The following PARP12 variants were observed in gnomAD, a reference collection of about 807,000 sequenced individuals.
PARP12 encodes protein mono-ADP-ribosyltransferase PARP12.
In PARP12, 59 loss-of-function variants were observed where a neutral mutation model predicts 72.4. The ratio of observed to expected loss-of-function variants is 0.81; its 90% CI spans 0.66 to 1.01. PARP12 has a LOEUF of 1.01. Ranked by LOEUF, PARP12 falls within the 50% of genes least tolerant of loss-of-function variation. The pLI is 0.00. For missense variants in PARP12, 851 were observed against 914.0 expected, an observed-to-expected ratio of 0.93 and a Z score of 0.89; for synonymous variants, 403 against 371.4, an observed-to-expected ratio of 1.09 and a Z score of -0.98.
At chr7:140,037,248 C>T (rs900884266) in intron 7 of PARP12, among the ~76,000 whole-genome samples, 4 of 152,170 alleles carry the variant, frequency 2.6e-5, no homozygotes, top group African/African-American at 4.8e-5. Flanking sequence ...CACTTGAACC[C>T]GGGAGGCGGA....
intron 5 of PARP12, among the ~76,000 whole-genome samples, chr7:140,042,445 AG>A (rs980755899): frequency 2.0e-5 from 3 of 152,244 alleles, no homozygotes; most frequent in African/African-American, 7.2e-5. Flanking sequence ...TAAAGACCAA[AG>A]GAAGGTACGA....
intron 11 of PARP12, chr7:140,025,502 A>G (rs765691942): frequency 2.3e-6 from 1 of 436,658 alleles, no homozygotes; most frequent in South Asian, 1.6e-5. Flanking sequence ...TCAACTTGGT[A>G]AGCATATTGT....
intron 8 of PARP12, among the ~76,000 whole-genome samples, chr7:140,030,841 T>A (rs1484382333): frequency 1.3e-5 from 2 of 152,230 alleles, no homozygotes; most frequent in African/African-American, 4.8e-5. Flanking sequence ...TAGTGTATTT[T>A]ATGTGTGGAC....
chr7:140,038,402 T>A, intron 6 of PARP12: 1 of 763,498 alleles, frequency 1.3e-6, no homozygotes, highest in Non-Finnish European at 1.6e-6. Context: ...TCAGCTGGAG[T>A]GAGTTTGAAT....
In PARP12 at chr7:140,036,334, A is replaced by G. The variant is rs956737122; in HGVS notation, c.1324+1381T>C. Among the ~76,000 whole-genome samples, 55 of 152,226 alleles carry G rather than the reference A, an allele frequency of 3.6e-4. 2 individuals are homozygous for G. ...TGCTTGCCACACAGTCCTGACCTTCAGGGCAGTCCTGATTTGATTAACGTC... is the reference window on the plus strand; with the variant it reads ...TGCTTGCCACACAGTCCTGACCTTCGGGGCAGTCCTGATTTGATTAACGTC... On this transcript the variant is annotated intron_variant, in intron 7 of 11. Transcript: ENST00000263549.
chr7:140,027,127 G>C, intron 10 of PARP12, 149 bp downstream of exon 10: 1 of 1,111,486 alleles, frequency 9.0e-7, no homozygotes, highest in Non-Finnish European at 1.3e-6. Context: ...CTGGGGGAGC[G>C]GACGAAGGAG....
rs1194320771 is a variant in PARP12 at position 140,062,526 on chromosome 7, C to A, written c.322G>T (p.Ala108Ser). The A allele has an allele frequency of 6.5e-7, 1 of 1,549,342 alleles. No individual in the cohort carries two copies. The highest frequency in any genetic ancestry group is 1.9e-5 in the Admixed American group (1 of 53,332). ...GCTCCCGGCGCGGCGCCTTACCCGG[C>A]TCTCAGGAACTTGCAGGCGCCGTAG... ...MVYGACKFLR[A>S]GKNCRNSHSL... The change falls in exon 1 of 12, where the codon GCC (alanine) becomes TCC (serine). Residue 108 changes from alanine to serine, a missense_variant. Coordinates refer to ENST00000263549, the MANE Select transcript of PARP12 (RefSeq NM_022750.4).
chr7:140,033,369 G>T (rs1287666373), intron 8 of PARP12: 1 of 985,224 alleles, frequency 1.0e-6, no homozygotes, highest in African/African-American at 1.7e-5. Flanking sequence ...AACCAAAAGA[G>T]ACATTGTTGG....
At chr7:140,059,402 C>CTCT (rs562927727) in intron 1 of PARP12, among the ~76,000 whole-genome samples, 38,779 of 147,200 alleles carry the variant, frequency 0.26, 5,771 homozygotes, top group East Asian at 0.56. Context: ...CTGAACCTAG[C>CTCT]TTTTTTTTTT....
intron 1 of PARP12, among the ~76,000 whole-genome samples, chr7:140,060,959 C>T (rs932628605): frequency 6.6e-6 from 1 of 152,228 alleles, no homozygotes; most frequent in Non-Finnish European, 1.5e-5. Flanking sequence ...CCTGGGCATG[C>T]TTCCAAACTA....
chr7:140,060,825 T>C (rs978887930), intron 1 of PARP12, among the ~76,000 whole-genome samples: 2 of 152,152 alleles, frequency 1.3e-5, no homozygotes, highest in African/African-American at 4.8e-5. Context: ...CCTCAGACGC[T>C]ACCTCAGATC....
rs145166593 is a variant in PARP12, at chr7:140,046,946, T to C, written c.924A>G (p.Lys308=). ...PYRWQFLDRG[K]WEDLDNMELI... is the part of the protein sequence containing the mutation. ...GTTCCATGTTGTCCAAATCCTCCCA[T>C]TTGCCTCTATCCAAGAATTGCCATC... The change falls in exon 5 of 12, where the codon AAA becomes AAG. Residue 308 remains lysine, a synonymous_variant. Coordinates refer to ENST00000263549, the MANE Select transcript of PARP12 (RefSeq NM_022750.4). 17 of 1,614,092 alleles carry C rather than the reference T, an allele frequency of 1.1e-5. No individual in the cohort carries two copies. The African/African-American group carries it at 1.6e-4, about 15-fold the overall frequency.
Position 140,041,749 on chromosome 7 carries a change from G to A in PARP12, c.1077C>T (p.Leu359=). 6.2e-7 allele frequency: 1 copy of A among 1,614,148 alleles called. No homozygotes were observed. The highest frequency in any genetic ancestry group is 1.1e-5 in the South Asian group (1 of 91,082). The change falls in exon 6 of 12, where the codon CTC becomes CTT. Residue 359 remains leucine (L), a synonymous_variant. Coordinates refer to ENST00000263549, the MANE Select transcript of PARP12 (RefSeq NM_022750.4). ...MTYGATQARR[L]STASSVTKPP... Reference sequence around the variant, plus strand: ...GTTTGGTGACAGAGGAGGCCGTGGAGAGGCGGCGAGCCTGGGTAGCACCGT... The same window carrying A: ...GTTTGGTGACAGAGGAGGCCGTGGAAAGGCGGCGAGCCTGGGTAGCACCGT...
At chr7:140,033,657 G>C in intron 8 of PARP12, 1 of 985,384 alleles carries the variant, frequency 1.0e-6, no homozygotes, top group Non-Finnish European at 1.2e-6. Flanking sequence ...CAAAGCACAA[G>C]AATTTCCCCT....
At chr7:140,034,139 T>A (rs1178425626) in intron 8 of PARP12, 96 bp downstream of exon 8, 1 of 1,488,632 alleles carries the variant, frequency 6.7e-7, no homozygotes, top group Non-Finnish European at 9.0e-7. Flanking sequence ...AAGCCAACGG[T>A]GCCCGGGTGC....
chr7:140,060,693 T>C (rs1236753608), intron 1 of PARP12, among the ~76,000 whole-genome samples: 1 of 152,178 alleles, frequency 6.6e-6, no homozygotes, highest in Non-Finnish European at 1.5e-5. Context: ...TGAGTGGCTC[T>C]ATCCAGCCAC....
intron 4 of PARP12, among the ~76,000 whole-genome samples, chr7:140,053,366 G>A (rs1817040410): frequency 6.6e-6 from 1 of 152,184 alleles, no homozygotes; most frequent in Non-Finnish European, 1.5e-5. Context: ...CCATGTATGT[G>A]AAATTCTAGA....
intron 5 of PARP12, among the ~76,000 whole-genome samples, chr7:140,045,029 C>CT (rs71520068): frequency 0.057 from 8,101 of 141,658 alleles, 255 homozygotes; most frequent in South Asian, 0.13. Context: ...GCATCTTTTT[C>CT]TTTTTTTTTT....
intron 8 of PARP12, 85 bp from the exon 9 acceptor site, chr7:140,028,773 C>T (rs1815831787): frequency 1.7e-6 from 2 of 1,195,654 alleles, no homozygotes; most frequent in Non-Finnish European, 2.4e-6. Flanking sequence ...TAGCCAATAT[C>T]ACCAGTCTTG....
Sources: allele counts gnomAD v4.1 joint callset (sites outside exome capture counted in the v4.1 genomes callset), GRCh38; gene constraint gnomAD v4.1.1; transcripts MANE v1.5; gene names NCBI Gene and HGNC (gene_info 2026-07-23, HGNC 2026-07-21).